ZNF606: variants seen among roughly 807,000 people sequenced by gnomAD.
ZNF606 encodes the protein zinc finger protein 328.
In ZNF606, 37 loss-of-function variants were observed where a neutral mutation model predicts 74.9. The ratio of observed to expected loss-of-function variants is 0.49; its 90% CI spans 0.38 to 0.65. ZNF606 has a LOEUF of 0.65. Among genes scored for constraint, ZNF606 ranks in the 30% least tolerant of loss-of-function variants. ZNF606 has a pLI of 0.00. For missense variants in ZNF606, 852 were observed against 952.9 expected (o/e 0.89, Z 1.39); for synonymous variants, 328 against 312.4 (o/e 1.05, Z -0.53).
In ZNF606 at chr19:58,002,473, G is replaced by A. The variant is rs1017433513; in HGVS notation, c.-129C>T. 2.2e-6 allele frequency: 1 copy of A among 454,510 alleles called. No homozygotes were observed. The highest frequency in any genetic ancestry group is 1.6e-5 in the South Asian group (1 of 64,364). The allele number at this position is 454,510 out of a possible 1,614,324, so 28.2% of individuals were successfully genotyped here. A position where few individuals can be genotyped will look rare whatever the true frequency, so the allele number is the denominator to read the frequency against. ...TGCCCGCCTGGGGCGTTTGGCTTTT[G>A]TCCCGCGCCGAGGTCCGGCCCAGGA... On this transcript the variant is annotated 5_prime_UTR_variant, in exon 1 of 7. Coordinates refer to ENST00000551380, the MANE Select transcript of ZNF606 (RefSeq NM_001348022.3).
rs147584507 is a variant in ZNF606 at position 57,979,712 on chromosome 19, T to C, written c.968A>G (p.His323Arg). 10 of 1,613,392 alleles carry C rather than the reference T, an allele frequency of 6.2e-6. No homozygotes were observed. The African/African-American group carries it at 1.2e-4, about 19-fold the overall frequency. Residue 323 changes from histidine to arginine, a missense_variant, in exon 7 of 7, where the codon CAT (histidine) becomes CGT (arginine). Physicochemically the swap from His to Arg is conservative, Grantham distance 29. This residue lies in a region of ZNF606 where 545 missense variants were observed against 542.5 expected (regional missense o/e 1.00). Transcript: ENST00000551380. ...GEKLYEYKEC[H>R]QIFNQSPSFN... ...TGATGGGCTCTGGTTAAAGATTTGA[T>C]GGCATTCCTTATATTCATAGAGTTT...
chr19:57,995,498 G>A (rs1158676668), intron 4 of ZNF606, among the ~76,000 whole-genome samples: 1 of 151,960 alleles, frequency 6.6e-6, no homozygotes, highest in Non-Finnish European at 1.5e-5. Context: ...AAAACTATAG[G>A]AAAACTACAT....
At chr19:57,996,698 A>G (rs1427743838) in intron 4 of ZNF606, among the ~76,000 whole-genome samples, 1 of 152,156 alleles carries the variant, frequency 6.6e-6, no homozygotes, top group Non-Finnish European at 1.5e-5. Context: ...GCCTGATGCT[A>G]AGGGGAAAGG....
chr19:57,990,830 C>T (rs1348210612), intron 4 of ZNF606, among the ~76,000 whole-genome samples: 1 of 152,080 alleles, frequency 6.6e-6, no homozygotes, highest in Non-Finnish European at 1.5e-5. Context: ...GGGCTTAAAA[C>T]AAAGAACTGC....
At position 57,979,502 on chromosome 19, in the gene ZNF606, G is replaced by A. The variant is rs1057197404; in HGVS notation, c.1178C>T (p.Thr393Ile). 1.2e-6 allele frequency: 2 copies of A among 1,613,820 alleles called. No homozygotes were observed. The highest frequency in any genetic ancestry group is 2.7e-5 in the African/African-American group (2 of 74,924). ...GTCATAGGGTTTCTCTGCAGTGTAAGTGCTTGTATGTTGAGTAAGGAAAGA... is the reference window on the plus strand; with the variant it reads ...GTCATAGGGTTTCTCTGCAGTGTAAATGCTTGTATGTTGAGTAAGGAAAGA... Reference protein sequence around the residue: ...YDSFLTQHTSTYTAEKPYDYN... With the variant: ...YDSFLTQHTSIYTAEKPYDYN... The change falls in exon 7 of 7, where the codon ACT becomes ATT. Residue 393 changes from threonine (T) to isoleucine (I), a missense_variant. By Grantham distance (89) the Thr-to-Ile change is moderately conservative. Coordinates refer to ENST00000551380, the MANE Select transcript of ZNF606 (RefSeq NM_001348022.3).
upstream of ZNF606, chr19:58,003,238 C>G: frequency 2.2e-6 from 1 of 456,776 alleles, no homozygotes; most frequent in Middle Eastern, 3.3e-4. Flanking sequence ...AGCTACCCTT[C>G]TCTGTGAAGC....
At position 57,979,738 on chromosome 19, in the gene ZNF606, T is replaced by A. The variant is rs1252211484; in HGVS notation, c.942A>T (p.Glu314Asp). 4 of 1,613,392 alleles carry A rather than the reference T, an allele frequency of 2.5e-6. No homozygotes were observed. Among genetic ancestry groups the A allele is most frequent in the Non-Finnish European group, 3.4e-6 (4 of 1,179,934 alleles). ...FGDHKGIHTG[E>D]KLYEYKECHQ... ...GGCATTCCTTATATTCATAGAGTTTTTCTCCTGTGTGAATTCCTTTATGAT... is the reference window on the plus strand; with the variant it reads ...GGCATTCCTTATATTCATAGAGTTTATCTCCTGTGTGAATTCCTTTATGAT... The change falls in exon 7 of 7, where the codon GAA becomes GAT. Residue 314 changes from glutamate (E) to aspartate (D), a missense_variant. Physicochemically the swap from Glu to Asp is conservative, Grantham distance 45 (BLOSUM62 2). Around this residue, in one of 3 missense-constraint regions of ZNF606, gnomAD observed 545 missense variants for 542.5 expected, o/e 1.00. Coordinates refer to ENST00000551380, the MANE Select transcript of ZNF606 (RefSeq NM_001348022.3).
intron 6 of ZNF606, among the ~76,000 whole-genome samples, chr19:57,983,076 C>T (rs2073110541): frequency 6.6e-6 from 1 of 152,166 alleles, no homozygotes; most frequent in Admixed American, 6.5e-5. Flanking sequence ...AAGCTTTTTA[C>T]AAATGGAAGC....
At chr19:57,993,349 T>C (rs1344149020) in intron 4 of ZNF606, among the ~76,000 whole-genome samples, 1 of 152,238 alleles carries the variant, frequency 6.6e-6, no homozygotes, top group African/African-American at 2.4e-5. Context: ...GTTGGCTTTT[T>C]TTTTAAAGAA....
At chr19:58,003,050 A>G (rs1308727217), upstream of ZNF606, 2 of 416,118 alleles carry the variant, frequency 4.8e-6, no homozygotes, top group Non-Finnish European at 9.7e-6. Context: ...GGCCTGGGTA[A>G]GTCGCGGCCC....
intron 6 of ZNF606, 144 bp from the exon 7 acceptor site, chr19:57,980,423 A>G (rs977495059): frequency 7.8e-6 from 6 of 770,410 alleles, no homozygotes; most frequent in African/African-American, 5.3e-5. Flanking sequence ...GAGAAAGATC[A>G]TAATAGGGAA....
intron 4 of ZNF606, among the ~76,000 whole-genome samples, chr19:57,990,364 CAA>C (rs557558121): frequency 1.8e-5 from 2 of 109,442 alleles, no homozygotes; most frequent in African/African-American, 2.9e-5. Flanking sequence ...GACTCTGTCT[CAA>C]AAAAAAAAAA....
chr19:58,000,611 C>G (rs761446890), intron 3 of ZNF606, 72 bp downstream of exon 3: 92 of 1,530,032 alleles, frequency 6.0e-5, no homozygotes, highest in Non-Finnish European at 8.1e-5. Context: ...ATTCTATTCC[C>G]CAGCTGTGGC....
upstream of ZNF606, chr19:58,003,315 T>C (rs1471514679): frequency 4.4e-6 from 2 of 456,560 alleles, no homozygotes; most frequent in Admixed American, 4.7e-5. Flanking sequence ...TATGGGAGCA[T>C]GGGTTACCAG....
chr19:57,989,353 CA>C (rs1350448588), intron 4 of ZNF606, among the ~76,000 whole-genome samples: 1 of 151,684 alleles, frequency 6.6e-6, no homozygotes, highest in Non-Finnish European at 1.5e-5. Context: ...TTAATGAAAG[CA>C]AGAAAACTAA....
chr19:57,979,975 T>C lies in ZNF606; in HGVS notation c.705A>G (p.Glu235=). The change falls in exon 7 of 7, where the codon GAA becomes GAG. Residue 235 remains glutamate, a synonymous_variant. Coordinates refer to ENST00000551380, the MANE Select transcript of ZNF606 (RefSeq NM_001348022.3). ...CATGTGTATCAGGCTTATAGAAATGTTCTATCTGAGAAACTCTCTGAGATG... is the reference window on the plus strand; with the variant it reads ...CATGTGTATCAGGCTTATAGAAATGCTCTATCTGAGAAACTCTCTGAGATG... ...FVPSQRVSQI[E]HFYKPDTHAQ... The C allele has an allele frequency of 1.2e-6, 2 of 1,613,940 alleles. No individual in the cohort carries two copies. The highest frequency in any genetic ancestry group is 2.7e-5 in the African/African-American group (2 of 75,054).
chr19:57,981,284 A>G (rs2073081838), intron 6 of ZNF606, among the ~76,000 whole-genome samples: 1 of 152,098 alleles, frequency 6.6e-6, no homozygotes, highest in Non-Finnish European at 1.5e-5. Flanking sequence ...AACCTCATGC[A>G]CCTTTTTCCT....
intron 4 of ZNF606, among the ~76,000 whole-genome samples, chr19:57,991,646 G>A (rs1319130111): frequency 6.6e-6 from 1 of 152,026 alleles, no homozygotes; most frequent in African/African-American, 2.4e-5. Context: ...TGGGCATGGT[G>A]GTGCACGCCT....
chr19:57,980,185 T>C lies in ZNF606; in HGVS notation c.495A>G (p.Ile165Met), dbSNP rs1285875558. ...QSHGMKLERYIWDDPWFSRLE... is the reference protein window; with the variant it reads ...QSHGMKLERYMWDDPWFSRLE... ...ACCTGGAGAACCAAGGATCATCCCATATATATCTTTCCAACTTCATGCCAT... is the reference window on the plus strand; with the variant it reads ...ACCTGGAGAACCAAGGATCATCCCACATATATCTTTCCAACTTCATGCCAT... The change falls in exon 7 of 7, where the codon ATA (isoleucine) becomes ATG (methionine). Residue 165 changes from isoleucine (I) to methionine (M), a missense_variant. Physicochemically the swap from Ile to Met is conservative, Grantham distance 10. Around this residue, in one of 3 missense-constraint regions of ZNF606, gnomAD observed 545 missense variants for 542.5 expected, o/e 1.00. Coordinates refer to ENST00000551380, the MANE Select transcript of ZNF606 (RefSeq NM_001348022.3). The C allele has an allele frequency of 2.5e-6, 4 of 1,614,176 alleles. No homozygotes were observed. The highest frequency in any genetic ancestry group is 2.2e-5 in the South Asian group (2 of 91,080).
Sources: allele counts gnomAD v4.1 joint callset (sites outside exome capture counted in the v4.1 genomes callset), GRCh38; gene constraint gnomAD v4.1.1; regional missense constraint gnomAD v4.1.1; transcripts MANE v1.5; gene names NCBI Gene and HGNC (gene_info 2026-07-23, HGNC 2026-07-21).